The following IRAG2 variants were observed in gnomAD, a reference collection of about 807,000 sequenced individuals.
IRAG2 encodes the protein inositol 1,4,5-triphosphate receptor associated 2, also known as lymphoid restricted membrane protein.
In IRAG2, 45 loss-of-function variants were observed where a neutral mutation model predicts 69.9. The observed-to-expected ratio is 0.64, with a 90% CI of 0.51 to 0.83. The LOEUF is 0.83. Ranked by LOEUF, IRAG2 falls within the 40% of genes least tolerant of loss-of-function variation. The probability of loss-of-function intolerance (pLI) is 0.00; values close to 1 mark genes in which losing one functional copy is unlikely to be tolerated. For missense variants in IRAG2, 520 were observed against 587.0 expected (o/e 0.89, Z 1.18); for synonymous variants, 193 against 202.4 (o/e 0.95, Z 0.40).
At chr12:25,083,366 C>G (rs1304589003) in intron 9 of IRAG2, 57 bp from the exon 10 acceptor site, 28 of 1,062,228 alleles carry the variant, frequency 2.6e-5, no homozygotes, top group Non-Finnish European at 1.0e-5. Flanking sequence ...ACTGTTTCCT[C>G]CTCTTTTACT....
At chr12:25,055,731 T>C (rs1945207249) in intron 1 of IRAG2, among the ~76,000 whole-genome samples, 1 of 152,192 alleles carries the variant, frequency 6.6e-6, no homozygotes, top group African/African-American at 2.4e-5. Context: ...TTGCGATAGT[T>C]TGCTCAGAAT....
chr12:25,013,857 T>TTCC lies in IRAG2; in HGVS notation c.897-1324_897-1323insCCT. Among the ~76,000 whole-genome samples the TTCC allele has an allele frequency of 2.5e-5, 3 of 120,656 alleles. 1 individual carries two copies. The highest frequency in any genetic ancestry group is 9.2e-5 in the Admixed American group (1 of 10,874). 79.2% of individuals were successfully genotyped at this position (120,656 alleles called of 152,430 possible). A position where few individuals can be genotyped will look rare whatever the true frequency, so the allele number is the denominator to read the frequency against. ...TTGCATAATGGTTTTAATTTTTTGT[T>TTCC]TTCTTTTTCTTTTTTTTTTTTTTTT... On this transcript the variant is annotated intron_variant, in intron 3 of 38. Transcript: ENST00000636465.
chr12:25,053,155 C>G (rs1240258815), intron 1 of IRAG2, among the ~76,000 whole-genome samples, 199 bp downstream of exon 1: 1 of 151,956 alleles, frequency 6.6e-6, no homozygotes, highest in Non-Finnish European at 1.5e-5. Flanking sequence ...TAACCATTAA[C>G]TTCCCTTTTT....
chr12:25,028,944 C>T (rs934237196), intron 9 of IRAG2, among the ~76,000 whole-genome samples: 7 of 152,172 alleles, frequency 4.6e-5, no homozygotes, highest in African/African-American at 7.2e-5. Flanking sequence ...GTTACCTGCG[C>T]AGTAGTGCAG....
At chr12:25,105,696 G>C (rs1949038045) in intron 20 of IRAG2, among the ~76,000 whole-genome samples, 1 of 151,944 alleles carries the variant, frequency 6.6e-6, no homozygotes, top group South Asian at 2.1e-4. Context: ...TTTGCTTTTT[G>C]TTAGTATGGT....
intron 6 of IRAG2, among the ~76,000 whole-genome samples, chr12:25,071,142 G>T (rs560166196): frequency 6.6e-6 from 1 of 152,194 alleles, no homozygotes; most frequent in South Asian, 2.1e-4. Flanking sequence ...ATCACTTGAG[G>T]TCAGGAGCTC....
At chr12:25,008,029 T>C (rs945526670) in intron 2 of IRAG2, among the ~76,000 whole-genome samples, 1 of 152,154 alleles carries the variant, frequency 6.6e-6, no homozygotes, top group Non-Finnish European at 1.5e-5. Context: ...TTGAGAGTAA[T>C]GGCAAAAACC....
At chr12:25,038,891 C>G (rs1944724993) in intron 16 of IRAG2, among the ~76,000 whole-genome samples, 1 of 152,126 alleles carries the variant, frequency 6.6e-6, no homozygotes. Flanking sequence ...TTATGTTTGA[C>G]CTCAGTGTAT....
chr12:25,100,816 G>T (rs1745660847), intron 15 of IRAG2: 1 of 132,534 alleles, frequency 7.5e-6, no homozygotes, highest in East Asian at 2.5e-4. Context: ...AGGAGTCTCT[G>T]GACCTAATCT....
exon 14 of IRAG2, chr12:25,035,761 G>A: frequency 2.5e-6 from 1 of 398,994 alleles, no homozygotes; most frequent in Non-Finnish European, 4.4e-6. Context: ...GAAGGCAGTG[G>A]AATTCACAGC....
At chr12:25,014,537 T>C (rs1944504982) in intron 3 of IRAG2, among the ~76,000 whole-genome samples, 1 of 152,142 alleles carries the variant, frequency 6.6e-6, no homozygotes, top group Non-Finnish European at 1.5e-5. Context: ...AATTATAATA[T>C]AGGACTCTGA....
At chr12:25,052,204 C>CTTTT (rs10690368), upstream of IRAG2, 160 of 276,594 alleles carry the variant, frequency 5.8e-4, no homozygotes, top group Middle Eastern at 9.1e-4. Context: ...GCGGTTTGGA[C>CTTTT]TTTTTTTTTT....
chr12:24,999,233 T>C, the IRAG2 span, among the ~76,000 whole-genome samples: 3,053 of 152,288 alleles, frequency 0.02, 57 homozygotes, highest in Non-Finnish European at 0.03. Context: ...GTCTTAGAGG[T>C]TGATGTTGAA....
intron 16 of IRAG2, chr12:25,101,902 C>T: frequency 1.7e-6 from 1 of 596,060 alleles, no homozygotes; most frequent in Non-Finnish European, 3.1e-6. Flanking sequence ...ATATTTGATA[C>T]TCTTCTGAAC....
upstream of IRAG2, among the ~76,000 whole-genome samples, chr12:25,000,934 T>C (rs1944387224): frequency 1.3e-5 from 2 of 152,192 alleles, no homozygotes; most frequent in Admixed American, 1.3e-4. Context: ...TAATCCTTTC[T>C]ACCAGGATCG....
At chr12:25,012,997 A>G (rs1294832747) in intron 3 of IRAG2, among the ~76,000 whole-genome samples, 2 of 152,352 alleles carry the variant, frequency 1.3e-5, no homozygotes, top group East Asian at 1.9e-4. Flanking sequence ...GTAATCAAAA[A>G]CTGCAAATAC....
At chr12:25,030,468 C>A (rs1944660560) in intron 10 of IRAG2, 2 of 480,128 alleles carry the variant, frequency 4.2e-6, no homozygotes, top group Non-Finnish European at 6.5e-6. Flanking sequence ...CTCACTGCAA[C>A]CTCCACCTCC....
chr12:25,007,220 T>G (rs1027316258), intron 2 of IRAG2, among the ~76,000 whole-genome samples: 2 of 152,246 alleles, frequency 1.3e-5, no homozygotes, highest in African/African-American at 4.8e-5. Context: ...GCAGAGATCA[T>G]AGTATTTCAT....
At chr12:25,041,280 G>A (rs1206432285) in intron 16 of IRAG2, among the ~76,000 whole-genome samples, 1 of 152,184 alleles carries the variant, frequency 6.6e-6, no homozygotes, top group Non-Finnish European at 1.5e-5. Context: ...ATGTTTAGGA[G>A]TTGGGATTTC....
Sources: gnomAD v4.1 joint callset for allele counts (sites outside exome capture counted in the v4.1 genomes callset) on GRCh38, gnomAD v4.1.1 for gene constraint, MANE v1.5 for transcripts, NCBI Gene and HGNC (gene_info 2026-07-23, HGNC 2026-07-21) for gene names.